Variants in FER1L6 observed in about 807,000 individuals in gnomAD.
FER1L6 encodes fer-1 like family member 6.
Under a neutral mutation model 219.2 loss-of-function variants are expected in FER1L6, and 177 were observed. The observed-to-expected ratio is 0.81, with a 90% CI of 0.71 to 0.91. The LOEUF (loss-of-function observed/expected upper bound fraction) is 0.91, where lower values mean the gene tolerates loss of function less well. Ranked by LOEUF, FER1L6 falls within the 40% of genes least tolerant of loss-of-function variation. The pLI is 0.00. For missense variants in FER1L6, 2,153 were observed against 2,259.9 expected, an observed-to-expected ratio of 0.95 and a Z score of 0.96; for synonymous variants, 768 against 824.3, an observed-to-expected ratio of 0.93 and a Z score of 1.17.
At chr8:123,879,767 G>T (rs34512633) in intron 1 of FER1L6, among the ~76,000 whole-genome samples, 36,580 of 152,024 alleles carry the variant, frequency 0.24, 4,773 homozygotes, top group East Asian at 0.48. Context: ...TGAAGTATAT[G>T]TTGGGAAAAT....
intron 1 of FER1L6, among the ~76,000 whole-genome samples, chr8:123,930,070 A>T (rs1813712082): frequency 6.6e-6 from 1 of 152,124 alleles, no homozygotes; most frequent in African/African-American, 2.4e-5. Flanking sequence ...GGTCCCACGT[A>T]CCCTTTAACC....
intron 39 of FER1L6, among the ~76,000 whole-genome samples, chr8:124,117,612 T>C (rs1187365334): frequency 2.0e-5 from 3 of 152,198 alleles, no homozygotes; most frequent in African/African-American, 4.8e-5. Flanking sequence ...ATCTAGACTT[T>C]AACTCATGAT....
intron 1 of FER1L6, among the ~76,000 whole-genome samples, chr8:123,919,466 AG>A (rs1366724134): frequency 1.3e-5 from 2 of 152,228 alleles, no homozygotes; most frequent in East Asian, 3.9e-4. Flanking sequence ...CTGCCAGTGT[AG>A]GCAATACAGG....
chr8:124,055,569 CTACT>C (rs1563769802), intron 22 of FER1L6, among the ~76,000 whole-genome samples: 1 of 152,118 alleles, frequency 6.6e-6, no homozygotes, highest in Non-Finnish European at 1.5e-5. Context: ...CTCGTTTCCC[CTACT>C]TTTATAATGT....
At chr8:124,070,093 T>C (rs1487481351) in intron 29 of FER1L6, among the ~76,000 whole-genome samples, 2 of 152,206 alleles carry the variant, frequency 1.3e-5, no homozygotes, top group Non-Finnish European at 2.9e-5. Context: ...CATCGCCTTA[T>C]ATGTGTTCAG....
At chr8:123,871,574 A>G (rs970791924) in intron 1 of FER1L6, among the ~76,000 whole-genome samples, 3 of 152,214 alleles carry the variant, frequency 2.0e-5, no homozygotes, top group Non-Finnish European at 4.4e-5. Flanking sequence ...ATCATAATCC[A>G]AAGTATAAAA....
intron 12 of FER1L6, among the ~76,000 whole-genome samples, chr8:123,998,308 A>AAAAG (rs981725986): frequency 2.7e-5 from 4 of 149,674 alleles, no homozygotes; most frequent in African/African-American, 9.8e-5. Flanking sequence ...GGTAAGATCC[A>AAAAG]AAAGAATTCT....
At chr8:123,885,372 T>G (rs1817182929) in intron 1 of FER1L6, among the ~76,000 whole-genome samples, 1 of 152,218 alleles carries the variant, frequency 6.6e-6, no homozygotes, top group Non-Finnish European at 1.5e-5. Context: ...CTTCCACTGC[T>G]GTCTTGTATC....
At chr8:123,975,471 G>A (rs1436727427) in intron 8 of FER1L6, among the ~76,000 whole-genome samples, 165 bp downstream of exon 8, 4 of 152,064 alleles carry the variant, frequency 2.6e-5, no homozygotes, top group African/African-American at 9.7e-5. Flanking sequence ...TCCTATTAAG[G>A]TATGACTCTC....
At chr8:123,931,906 C>G (rs1813783126) in intron 1 of FER1L6, among the ~76,000 whole-genome samples, 1 of 152,174 alleles carries the variant, frequency 6.6e-6, no homozygotes, top group Non-Finnish European at 1.5e-5. Flanking sequence ...AGTACAAAAA[C>G]AGTTATTTTA....
In FER1L6 at chr8:124,082,372, C is replaced by T. The variant is rs558150924; in HGVS notation, c.4305C>T (p.Asp1435=). 2.5e-6 allele frequency: 4 copies of T among 1,614,040 alleles called. No homozygotes were observed. The South Asian group carries it at 4.4e-5, about 18-fold the overall frequency. ...ACCATGACATGATTGGCACAGATGA[C>T]CTTATTGGTGAGACCAAGATCGACC... ...IYDHDMIGTD[D]LIGETKIDLE... is the part of the protein sequence containing the mutation. The change falls in exon 33 of 41, where the codon GAC becomes GAT. Residue 1435 remains aspartate, a synonymous_variant. Coordinates refer to ENST00000522917, the MANE Select transcript of FER1L6 (RefSeq NM_001039112.2).
chr8:124,097,747 C>A, intron 36 of FER1L6, 38 bp from the exon 37 acceptor site: 1 of 1,122,840 alleles, frequency 8.9e-7, no homozygotes, highest in Non-Finnish European at 1.4e-6. Context: ...ACTCAGCTTT[C>A]AAGGTCATCG....
At chr8:123,975,510 ACTGT>A (rs1816031933) in intron 8 of FER1L6, among the ~76,000 whole-genome samples, 2 of 152,164 alleles carry the variant, frequency 1.3e-5, no homozygotes, top group Non-Finnish European at 2.9e-5. Context: ...TAGGACAAGA[ACTGT>A]CTGTCTTCCT....
chr8:124,054,532 C>T (rs1169985061), intron 22 of FER1L6, among the ~76,000 whole-genome samples: 4 of 152,120 alleles, frequency 2.6e-5, no homozygotes, highest in East Asian at 1.9e-4. Flanking sequence ...GGAAATCTGC[C>T]CCATAGGAGA....
Position 123,865,087 on chromosome 8 carries a change from C to T in FER1L6, c.-8+12902C>T, listed in dbSNP as rs1232377291. On this transcript the variant is annotated intron_variant, in intron 1 of 40. Coordinates refer to ENST00000522917, the MANE Select transcript of FER1L6 (RefSeq NM_001039112.2). ...TTTTAGAGTTTCCAGTTTTTCTGTT[C>T]TGTTTTTTCCCCATCTTTGTGGTTT... Among the ~76,000 whole-genome samples the T allele has an allele frequency of 2.0e-5, 3 of 150,472 alleles. 1 individual carries two copies. Among genetic ancestry groups the T allele is most frequent in the African/African-American group, 5.0e-5 (2 of 39,924 alleles).
intron 1 of FER1L6, among the ~76,000 whole-genome samples, chr8:123,934,937 C>T (rs910808955): frequency 6.6e-6 from 1 of 152,124 alleles, no homozygotes; most frequent in African/African-American, 2.4e-5. Context: ...CCCCTTCTAC[C>T]ATGATTGTAA....
intron 1 of FER1L6, among the ~76,000 whole-genome samples, chr8:123,914,246 T>G (rs1813123298): frequency 6.6e-6 from 1 of 152,230 alleles, no homozygotes; most frequent in Non-Finnish European, 1.5e-5. Flanking sequence ...GAGAACTGGA[T>G]GACCTTATTG....
At chr8:123,936,174 A>G (rs1181812983) in intron 1 of FER1L6, among the ~76,000 whole-genome samples, 1 of 152,152 alleles carries the variant, frequency 6.6e-6, no homozygotes, top group East Asian at 1.9e-4. Context: ...GAATGCCAAC[A>G]GCCTAAGTGA....
At chr8:124,021,070 A>G (rs1315258447) in intron 16 of FER1L6, among the ~76,000 whole-genome samples, 1 of 152,150 alleles carries the variant, frequency 6.6e-6, no homozygotes, top group African/African-American at 2.4e-5. Context: ...AGAAGTGCCA[A>G]GCAAAAGGGG....
Sources: gnomAD v4.1 joint callset for allele counts (sites outside exome capture counted in the v4.1 genomes callset) on GRCh38, gnomAD v4.1.1 for gene constraint, MANE v1.5 for transcripts, NCBI Gene and HGNC (gene_info 2026-07-23, HGNC 2026-07-21) for gene names.